The following CYSLTR2 variants were observed in gnomAD, a reference collection of about 807,000 sequenced individuals.
CYSLTR2 encodes G-protein coupled receptor GPCR21.
For missense variants in CYSLTR2, 398 were observed against 411.9 expected (o/e 0.97, Z 0.29); for synonymous variants, 179 against 160.8 (o/e 1.11, Z -0.86).
chr13:48,661,943 G>T (rs993733030), intron 1 of CYSLTR2, among the ~76,000 whole-genome samples: 2 of 152,082 alleles, frequency 1.3e-5, no homozygotes, highest in East Asian at 1.9e-4. Context: ...TAGAACATTA[G>T]AACTTATTCC....
chr13:48,707,227 T>A lies in CYSLTR2; in HGVS notation c.410T>A (p.Phe137Tyr), dbSNP rs200773422. 1 of 1,614,076 alleles carries A rather than the reference T, an allele frequency of 6.2e-7. No homozygotes were observed. The highest frequency in any genetic ancestry group is 1.3e-5 in the African/African-American group (1 of 74,942). ...CTGACCGTGCTGAGTGTTGTGCGTT[T>A]CCTGGCAATGGTTCACCCCTTTCGG... Reference protein sequence around the residue: ...YFLTVLSVVRFLAMVHPFRLL... With the variant: ...YFLTVLSVVRYLAMVHPFRLL... Residue 137 changes from phenylalanine (F) to tyrosine (Y), a missense_variant, in exon 5 of 5, where the codon TTC becomes TAC. By Grantham distance (22) the Phe-to-Tyr change is conservative. Transcript: ENST00000682523.
At chr13:48,670,141 A>G (rs1344575864) in intron 1 of CYSLTR2, among the ~76,000 whole-genome samples, 1 of 152,076 alleles carries the variant, frequency 6.6e-6, no homozygotes, top group Non-Finnish European at 1.5e-5. Flanking sequence ...TTTTTCTTGT[A>G]AACTTGTTTA....
At chr13:48,670,326 G>T (rs937015684) in intron 1 of CYSLTR2, among the ~76,000 whole-genome samples, 2 of 152,058 alleles carry the variant, frequency 1.3e-5, no homozygotes, top group African/African-American at 4.8e-5. Context: ...CATTGCTTTT[G>T]GTGTTTTAGT....
Position 48,701,382 on chromosome 13 carries a change from A to G in CYSLTR2, c.-2+4756A>G, listed in dbSNP as rs186387275. ...AACCTGACAAAAACAAGCAATGGGG[A>G]AAGGATTCCCTATTTAATAAATGGT... On this transcript the variant is annotated intron_variant, in intron 4 of 4. Transcript: ENST00000682523. Among the ~76,000 whole-genome samples, 670 of 152,354 alleles carry G rather than the reference A, an allele frequency of 4.4e-3. 3 individuals are homozygous for G. The highest frequency in any genetic ancestry group is 0.014 in the Middle Eastern group (4 of 294).
intron 1 of CYSLTR2, among the ~76,000 whole-genome samples, chr13:48,687,937 T>A (rs1443459172): frequency 1.3e-5 from 2 of 152,218 alleles, no homozygotes; most frequent in African/African-American, 4.8e-5. Flanking sequence ...TTTCTTTATT[T>A]GGTCGTGGTT....
chr13:48,698,892 C>T (rs1216508225), intron 4 of CYSLTR2, among the ~76,000 whole-genome samples: 2 of 152,166 alleles, frequency 1.3e-5, no homozygotes, highest in South Asian at 2.1e-4. Flanking sequence ...ATAAAGCAGA[C>T]TTTAAACCAA....
At chr13:48,696,954 G>T (rs1305264685) in intron 4 of CYSLTR2, among the ~76,000 whole-genome samples, 1 of 152,198 alleles carries the variant, frequency 6.6e-6, no homozygotes, top group African/African-American at 2.4e-5. Flanking sequence ...TGGCAGCCAG[G>T]CTTGGGGAGG....
At chr13:48,666,806 C>T (rs1953274414) in intron 1 of CYSLTR2, among the ~76,000 whole-genome samples, 1 of 151,944 alleles carries the variant, frequency 6.6e-6, no homozygotes, top group Admixed American at 6.6e-5. Context: ...GAATCATTTT[C>T]CTGATTTCAT....
At chr13:48,696,058 G>C (rs1954178697) in intron 3 of CYSLTR2, among the ~76,000 whole-genome samples, 1 of 152,168 alleles carries the variant, frequency 6.6e-6, no homozygotes, top group South Asian at 2.1e-4. Flanking sequence ...CTCTGTATTT[G>C]ATGTAGTCGC....
intron 1 of CYSLTR2, among the ~76,000 whole-genome samples, chr13:48,666,053 A>G (rs969869622): frequency 6.6e-6 from 1 of 152,154 alleles, no homozygotes; most frequent in African/African-American, 2.4e-5. Flanking sequence ...ACTTCCAGAT[A>G]TGACTCCTTT....
chr13:48,656,865 C>T lies in CYSLTR2; in HGVS notation c.-266+2848C>T, dbSNP rs1953010823. ...AATGCGGCAGCCAAATTGGATAATA[C>T]AAAGAAAGGCAAGCATTTTGCTGTG... On this transcript the variant is annotated intron_variant, in intron 1 of 4. Transcript: ENST00000682523. Among the ~76,000 whole-genome samples the T allele has an allele frequency of 2.0e-5, 3 of 152,188 alleles. No homozygotes were observed. In the South Asian group the frequency reaches 6.2e-4, roughly 32 times the overall value.
intron 1 of CYSLTR2, among the ~76,000 whole-genome samples, chr13:48,688,022 T>C (rs1953940049): frequency 6.6e-6 from 1 of 152,204 alleles, no homozygotes; most frequent in Admixed American, 6.5e-5. Context: ...GGCTGGAGTG[T>C]CTCTGAAGTA....
At chr13:48,670,394 G>T (rs1490790625) in intron 1 of CYSLTR2, among the ~76,000 whole-genome samples, 1 of 151,880 alleles carries the variant, frequency 6.6e-6, no homozygotes, top group Admixed American at 6.6e-5. Flanking sequence ...TTTCCTTTAG[G>T]GTTTTTATGG....
chr13:48,695,067 C>CTTTTTTTT (rs1278951741), intron 3 of CYSLTR2, among the ~76,000 whole-genome samples: 25 of 83,676 alleles, frequency 3.0e-4, no homozygotes, highest in Non-Finnish European at 3.6e-4. Flanking sequence ...CAGAACCTGG[C>CTTTTTTTT]ATTTTTTTTT....
chr13:48,669,209 A>G (rs1953351136), intron 1 of CYSLTR2, among the ~76,000 whole-genome samples: 3 of 151,924 alleles, frequency 2.0e-5, no homozygotes, highest in Admixed American at 2.0e-4. Context: ...TGGTTAAACT[A>G]ATTTTCACTC....
chr13:48,665,313 T>C (rs1481252151), intron 1 of CYSLTR2, among the ~76,000 whole-genome samples: 1 of 152,142 alleles, frequency 6.6e-6, no homozygotes, highest in Non-Finnish European at 1.5e-5. Context: ...AAATGTTCTG[T>C]AAATGTCTGT....
intron 4 of CYSLTR2, among the ~76,000 whole-genome samples, chr13:48,705,996 G>GTTTTTTTTTTTTTT (rs368909553): frequency 1.6e-5 from 2 of 128,592 alleles, no homozygotes; most frequent in African/African-American, 3.3e-5. Flanking sequence ...TTGTTTTGTT[G>GTTTTTTTTTTTTTT]TTGTTTTTTT....
At chr13:48,674,862 C>T (rs1281519574) in intron 1 of CYSLTR2, among the ~76,000 whole-genome samples, 1 of 152,198 alleles carries the variant, frequency 6.6e-6, no homozygotes, top group Non-Finnish European at 1.5e-5. Flanking sequence ...TGTTAGTTTT[C>T]CTTCTAACAG....
At chr13:48,695,294 CTCTT>C (rs1954149062) in intron 3 of CYSLTR2, among the ~76,000 whole-genome samples, 1 of 146,532 alleles carries the variant, frequency 6.8e-6, no homozygotes, top group Admixed American at 6.8e-5. Flanking sequence ...TTTCCTTCTT[CTCTT>C]TCTTCTTTCT....
Sources: gnomAD v4.1 joint callset for allele counts (sites outside exome capture counted in the v4.1 genomes callset) on GRCh38, gnomAD v4.1.1 for gene constraint, MANE v1.5 for transcripts, NCBI Gene and HGNC (gene_info 2026-07-23, HGNC 2026-07-21) for gene names.